The following COL22A1 variants were observed in gnomAD, a reference collection of about 807,000 sequenced individuals.
The protein encoded by COL22A1 is collagen type XXII alpha 1 chain.
A neutral mutation model predicts 248.9 loss-of-function variants in COL22A1; 221 were observed. The ratio of observed to expected loss-of-function variants is 0.89; its 90% CI spans 0.80 to 0.99. The LOEUF (loss-of-function observed/expected upper bound fraction) is 0.99, where lower values mean the gene tolerates loss of function less well. Among genes scored for constraint, COL22A1 ranks in the 50% least tolerant of loss-of-function variants. The pLI, the probability that COL22A1 is intolerant of heterozygous loss-of-function variation, is 0.00. For synonymous variants in COL22A1, 891 were observed against 793.4 expected (o/e 1.12, Z -2.07); for missense variants, 2,240 against 2,179.0 (o/e 1.03, Z -0.56).
At chr8:138,662,958 GTGAGC>G (rs1184686252) in intron 42 of COL22A1, among the ~76,000 whole-genome samples, 1 of 145,998 alleles carries the variant, frequency 6.8e-6, no homozygotes, top group African/African-American at 2.5e-5. Context: ...GGAGATTGCA[GTGAGC>G]CAAGGTCGTG....
intron 1 of COL22A1, among the ~76,000 whole-genome samples, chr8:138,901,230 T>C (rs1168244253): frequency 2.0e-5 from 3 of 151,378 alleles, no homozygotes; most frequent in Non-Finnish European, 2.9e-5. Context: ...TGAGATCTGA[T>C]TAATGGGAAG....
At chr8:138,663,240 T>TGA (rs1824145326) in intron 42 of COL22A1, among the ~76,000 whole-genome samples, 1 of 152,206 alleles carries the variant, frequency 6.6e-6, no homozygotes, top group Non-Finnish European at 1.5e-5. Context: ...GAAGGCTGAC[T>TGA]GAGAGCCCTC....
intron 22 of COL22A1, among the ~76,000 whole-genome samples, chr8:138,744,796 T>A (rs555406823): frequency 2.6e-5 from 4 of 152,172 alleles, no homozygotes; most frequent in Admixed American, 2.6e-4. Context: ...CTCTTAGCTA[T>A]ACATCTATAA....
intron 1 of COL22A1, among the ~76,000 whole-genome samples, chr8:138,904,954 A>G (rs1437514429): frequency 2.6e-5 from 4 of 152,182 alleles, no homozygotes; most frequent in Admixed American, 6.5e-5. Flanking sequence ...CTCTCCAGCC[A>G]TGTGGCCTCA....
At chr8:138,716,106 A>C (rs1317968442) in intron 29 of COL22A1, 121 bp downstream of exon 29, 9 of 767,686 alleles carry the variant, frequency 1.2e-5, no homozygotes, top group Non-Finnish European at 1.9e-5. Flanking sequence ...AACACTGAGA[A>C]ATACACTCTT....
chr8:138,731,370 T>A (rs1830692459), intron 23 of COL22A1, among the ~76,000 whole-genome samples: 3 of 151,982 alleles, frequency 2.0e-5, no homozygotes, highest in Non-Finnish European at 4.4e-5. Flanking sequence ...ACTTGCAAGA[T>A]GAGAGACCAT....
chr8:138,740,637 G>A (rs1831478959), intron 22 of COL22A1, among the ~76,000 whole-genome samples: 1 of 152,194 alleles, frequency 6.6e-6, no homozygotes, highest in Admixed American at 6.5e-5. Flanking sequence ...GGGCAAGTAG[G>A]AGGCGCGTGG....
chr8:138,594,164 C>A lies in COL22A1; in HGVS notation c.4468G>T (p.Ala1490Ser). 6.4e-7 allele frequency: 1 copy of A among 1,572,284 alleles called. No homozygotes were observed. The highest frequency in any genetic ancestry group is 8.6e-7 in the Non-Finnish European group (1 of 1,165,822). Residue 1490 changes from alanine to serine, a missense_variant, in exon 63 of 65, where the codon GCG (alanine) becomes TCG (serine). Ala to Ser is a moderately conservative substitution (Grantham distance 99). Transcript: ENST00000303045. ...CTGCCTTGAGATGACTTCATGTACG[C>A]CGGGGGCATCTGGGCCAGGAGGTAG... is the stretch of plus-strand genomic sequence containing the variant. ...LAYLLAQMPP[A>S]YMKSSQGRPG...
rs140688191 is a variant in COL22A1 at position 138,743,386 on chromosome 8, A to G, written c.2086-5809T>C. Among the ~76,000 whole-genome samples, 632 of 133,248 alleles carry G rather than the reference A, an allele frequency of 4.7e-3. 14 individuals carry two copies. In the East Asian group the frequency reaches 0.072, roughly 15 times the overall value. The allele number at this position is 133,248 out of a possible 152,430, so 87.4% of individuals were successfully genotyped here. On this transcript the variant is annotated intron_variant, in intron 22 of 64. Transcript: ENST00000303045. ...TGGTGATGGTAGAGTTGATGATGGT[A>G]GTAGTGATTGTGATGGTGGAGTTGA...
At chr8:138,732,127 C>T (rs1830756122) in intron 23 of COL22A1, among the ~76,000 whole-genome samples, 1 of 152,200 alleles carries the variant, frequency 6.6e-6, no homozygotes, top group Admixed American at 6.5e-5. Context: ...TAGAAAGCCC[C>T]TTTCCCTTCC....
chr8:138,705,046 A>G (rs1828302318), intron 30 of COL22A1, among the ~76,000 whole-genome samples: 1 of 152,204 alleles, frequency 6.6e-6, no homozygotes, highest in African/African-American at 2.4e-5. Context: ...TGAAGATCAA[A>G]TGAATGAAAT....
intron 44 of COL22A1, among the ~76,000 whole-genome samples, chr8:138,659,867 A>G (rs1213224563): frequency 6.6e-6 from 1 of 152,170 alleles, no homozygotes; most frequent in Non-Finnish European, 1.5e-5. Flanking sequence ...GCAAGAAAGA[A>G]CGTTTCTTCC....
intron 5 of COL22A1, chr8:138,827,099 G>A (rs886503349): frequency 1.8e-5 from 6 of 331,802 alleles, no homozygotes; most frequent in South Asian, 3.5e-5. Flanking sequence ...TCACGCCCCC[G>A]GGATCAAATA....
At chr8:138,818,204 C>A (rs928154852) in intron 7 of COL22A1, among the ~76,000 whole-genome samples, 11 of 152,132 alleles carry the variant, frequency 7.2e-5, no homozygotes, top group Non-Finnish European at 1.5e-4. Context: ...TTCCTTACAG[C>A]TCAGAGGGTA....
At chr8:138,662,418 G>A (rs1824046388) in intron 42 of COL22A1, among the ~76,000 whole-genome samples, 1 of 152,150 alleles carries the variant, frequency 6.6e-6, no homozygotes, top group Non-Finnish European at 1.5e-5. Context: ...CTCCTTTCAT[G>A]TCCTATGGAT....
chr8:138,734,153 C>G (rs1830929487), intron 23 of COL22A1, among the ~76,000 whole-genome samples: 1 of 152,180 alleles, frequency 6.6e-6, no homozygotes, highest in Non-Finnish European at 1.5e-5. Context: ...AATAGACGCT[C>G]CCATCCATGG....
At chr8:138,747,404 A>G (rs61590837) in intron 22 of COL22A1, among the ~76,000 whole-genome samples, 3,412 of 152,280 alleles carry the variant, frequency 0.022, 129 homozygotes, top group African/African-American at 0.078. Flanking sequence ...TTGGTTACTC[A>G]CAGTAAAAGC....
chr8:138,629,025 TG>T (rs56174223), intron 50 of COL22A1, among the ~76,000 whole-genome samples: 152,203 of 152,204 alleles, frequency 1, 76,101 homozygotes, highest in Non-Finnish European at 1. Flanking sequence ...CTTCCCAGGA[TG>T]GGTCTCGATC....
intron 22 of COL22A1, among the ~76,000 whole-genome samples, chr8:138,747,959 A>G (rs1001449195): frequency 6.6e-6 from 1 of 152,218 alleles, no homozygotes; most frequent in Non-Finnish European, 1.5e-5. Context: ...CCATGTCTGC[A>G]GCTATTTTAA....
Sources: allele counts gnomAD v4.1 joint callset (sites outside exome capture counted in the v4.1 genomes callset), GRCh38; gene constraint gnomAD v4.1.1; transcripts MANE v1.5; gene names NCBI Gene and HGNC (gene_info 2026-07-23, HGNC 2026-07-21).